Variants in RAD51D observed in about 807,000 individuals in gnomAD.
The protein encoded by RAD51D is DNA repair protein RAD51 homolog 4.
RAD51D carries 38 observed loss-of-function variants against 44.1 expected under a neutral mutation model. The ratio of observed to expected loss-of-function variants is 0.86; its 90% CI spans 0.67 to 1.13. The LOEUF (loss-of-function observed/expected upper bound fraction) is 1.13, where lower values mean the gene tolerates loss of function less well. Among genes scored for constraint, RAD51D ranks in the 50% most tolerant of loss-of-function variants. The probability of loss-of-function intolerance (pLI) is 0.00; values close to 1 mark genes in which losing one functional copy is unlikely to be tolerated. For missense variants in RAD51D, 390 were observed against 414.0 expected (o/e 0.94, Z 0.50); for synonymous variants, 141 against 166.6 (o/e 0.85, Z 1.18).
intron 3 of RAD51D, among the ~76,000 whole-genome samples, chr17:35,115,958 AAAG>A: frequency 7.6e-6 from 1 of 130,862 alleles, no homozygotes; most frequent in Non-Finnish European, 1.7e-5. Context: ...GGAAGAAAGG[AAAG>A]AAAGAAAGAA....
chr17:35,105,600 C>G (rs2091591909), intron 6 of RAD51D, among the ~76,000 whole-genome samples: 1 of 152,172 alleles, frequency 6.6e-6, no homozygotes, highest in Non-Finnish European at 1.5e-5. Flanking sequence ...TCCTCCACAT[C>G]TAGTCATTTA....
In RAD51D at chr17:35,095,049, T is replaced by G. The variant is rs966966319; in HGVS notation, c.*5904A>C. ...CCTCAGCTCCAGGGCTATTTCCTAG[T>G]TGGTTTGAGTCAATCACAGCAGTCC... is the stretch of plus-strand genomic sequence containing the variant. On this transcript the variant is annotated 3_prime_UTR_variant, in exon 10 of 10. Transcript: ENST00000345365. The G allele has an allele frequency of 6.6e-6, 1 of 152,262 alleles. No homozygotes were observed. The highest frequency in any genetic ancestry group is 2.4e-5 in the African/African-American group (1 of 41,440). The allele number at this position is 152,262 out of a possible 1,614,324, so 9.4% of individuals were successfully genotyped here. A position where few individuals can be genotyped will look rare whatever the true frequency, so the allele number is the denominator to read the frequency against.
At chr17:35,106,866 A>G in intron 5 of RAD51D, 122 bp downstream of exon 5, 1 of 1,442,182 alleles carries the variant, frequency 6.9e-7, no homozygotes, top group East Asian at 2.3e-5. Flanking sequence ...TACGAGATGT[A>G]TTAATAGAAC....
chr17:35,115,308 T>C, intron 3 of RAD51D: 1 of 516,842 alleles, frequency 1.9e-6, no homozygotes, highest in South Asian at 1.4e-5. Flanking sequence ...TATTCTAAAA[T>C]GAGGGGACTG....
chr17:35,117,100 T>C, intron 3 of RAD51D: 1 of 1,528,938 alleles, frequency 6.5e-7, no homozygotes, highest in South Asian at 1.2e-5. Flanking sequence ...CACTCCCTCC[T>C]TACCGTTGCC....
chr17:35,107,478 A>C, intron 3 of RAD51D, 31 bp from the exon 4 acceptor site: 1 of 1,475,456 alleles, frequency 6.8e-7, no homozygotes, highest in Non-Finnish European at 9.5e-7. Flanking sequence ...AATCAACACA[A>C]GAGGTTAGGA....
In RAD51D at chr17:35,098,493, CGCCTCCCAGGTTCAAGCGATTCTGCCTCA is replaced by C. The variant is rs2091502739; in HGVS notation, c.*2431_*2459del. ...CGCCATCTCAGCTCCCTGCAACCTCCGCCTCCCAGGTTCAAGCGATTCTGCCTCAGCCTCCTGAGTAGCTGGGATTACAG... is the reference window on the plus strand; with the variant it reads ...CGCCATCTCAGCTCCCTGCAACCTCCGCCTCCTGAGTAGCTGGGATTACAG... On this transcript the variant is annotated 3_prime_UTR_variant, in exon 10 of 10. Coordinates refer to ENST00000345365, the MANE Select transcript of RAD51D (RefSeq NM_002878.4). The C allele has an allele frequency of 6.6e-6, 1 of 152,040 alleles. No individual in the cohort carries two copies. The highest frequency in any genetic ancestry group is 2.4e-5 in the African/African-American group (1 of 41,328). 9.4% of individuals were successfully genotyped at this position (152,040 alleles called of 1,614,324 possible).
intron 3 of RAD51D, 24 bp from the exon 4 acceptor site, chr17:35,107,471 C>A: frequency 6.6e-7 from 1 of 1,506,754 alleles, no homozygotes; most frequent in South Asian, 1.1e-5. Context: ...AGAAGAAAAT[C>A]AACACAAGAG....
intron 5 of RAD51D, 116 bp downstream of exon 5, chr17:35,106,872 A>G: frequency 6.7e-7 from 1 of 1,492,354 alleles, no homozygotes; most frequent in Non-Finnish European, 9.3e-7. Flanking sequence ...ATGTATTAAT[A>G]GAACAGCAAG....
Position 35,096,788 on chromosome 17 carries a change from G to C in RAD51D, c.*4165C>G, listed in dbSNP as rs1009923931. The C allele has an allele frequency of 1.3e-5, 2 of 152,220 alleles. No individual in the cohort carries two copies. Among genetic ancestry groups the C allele is most frequent in the Admixed American group, 1.3e-4 (2 of 15,286 alleles). The allele number at this position is 152,220 out of a possible 1,614,324, so 9.4% of individuals were successfully genotyped here. On this transcript the variant is annotated 3_prime_UTR_variant, in exon 10 of 10. Coordinates refer to ENST00000345365, the MANE Select transcript of RAD51D (RefSeq NM_002878.4). Reference sequence around the variant, plus strand: ...AAGTGGGAGGATCACTTGAGCTTGGGAGGTAGAGGGTACAGTGAGCCGTGA... The same window carrying C: ...AAGTGGGAGGATCACTTGAGCTTGGCAGGTAGAGGGTACAGTGAGCCGTGA...
intron 3 of RAD51D, among the ~76,000 whole-genome samples, chr17:35,109,238 ATTCCTT>A (rs1433449156): frequency 1.3e-5 from 2 of 152,196 alleles, no homozygotes; most frequent in Non-Finnish European, 2.9e-5. Context: ...TGGATAGTTC[ATTCCTT>A]TTTACTGCTA....
chr17:35,106,197 A>C, intron 6 of RAD51D, 189 bp downstream of exon 6: 1 of 729,468 alleles, frequency 1.4e-6, no homozygotes. Context: ...TCAGCAGGGA[A>C]GATGAACATG....
intron 3 of RAD51D, among the ~76,000 whole-genome samples, chr17:35,111,005 C>T (rs573049505): frequency 1.1e-3 from 166 of 151,908 alleles, no homozygotes; most frequent in African/African-American, 3.8e-3. Context: ...CCCGTGAGGT[C>T]GAGGCAGGTG....
chr17:35,107,738 T>G (rs972005905), intron 3 of RAD51D, among the ~76,000 whole-genome samples: 1 of 83,026 alleles, frequency 1.2e-5, no homozygotes, highest in Non-Finnish European at 2.1e-5. Context: ...GTGGGTTTCC[T>G]TTTTTTTTTT....
In RAD51D at chr17:35,119,548, G is replaced by T. The variant is rs876660902; in HGVS notation, c.66C>A (p.Ser22Arg). 1 of 1,612,502 alleles carries T rather than the reference G, an allele frequency of 6.2e-7. No homozygotes were observed. The highest frequency in any genetic ancestry group is 8.5e-7 in the Non-Finnish European group (1 of 1,179,926). ...CCCGGTCACCTGTCTTGATCCTGTGGCTCCTGAGAAGCTGGATCATCTCCT... is the reference window on the plus strand; with the variant it reads ...CCCGGTCACCTGTCTTGATCCTGTGTCTCCTGAGAAGCTGGATCATCTCCT... ...LTEEMIQLLR[S>R]HRIKTVVDLV... The change falls in exon 1 of 10, where the codon AGC (serine) becomes AGA (arginine). Residue 22 changes from serine (S) to arginine (R), a missense_variant. Ser to Arg is a moderately radical substitution (Grantham distance 110). Transcript: ENST00000345365.
rs1064795913 is a variant in RAD51D, at chr17:35,119,595, C to G, written c.19G>C (p.Gly7Arg). Residue 7 changes from glycine (G) to arginine (R), a missense_variant, in exon 1 of 10, where the codon GGA (glycine) becomes CGA (arginine). Coordinates refer to ENST00000345365, the MANE Select transcript of RAD51D (RefSeq NM_002878.4). ...TCCTCGGTAAGGCCAGGGCACAGTC[C>G]GACCCTGAGCACGCCCATGTTCCCC... MGVLRV[G>R]LCPGLTEEMI... 1.9e-6 allele frequency: 3 copies of G among 1,612,098 alleles called. No homozygotes were observed. Among genetic ancestry groups the G allele is most frequent in the Non-Finnish European group, 2.5e-6 (3 of 1,179,950 alleles).
chr17:35,105,467 T>G (rs2091589250), intron 6 of RAD51D, among the ~76,000 whole-genome samples: 1 of 152,246 alleles, frequency 6.6e-6, no homozygotes, highest in Non-Finnish European at 1.5e-5. Flanking sequence ...GTTCAACTAT[T>G]ATATGTTCTA....
intron 3 of RAD51D, among the ~76,000 whole-genome samples, chr17:35,117,283 G>A (rs2091761786): frequency 6.6e-6 from 1 of 152,098 alleles, no homozygotes; most frequent in African/African-American, 2.4e-5. Flanking sequence ...CCCCAACCAG[G>A]GAAAGCAAGC....
chr17:35,114,543 A>G (rs1222113333), intron 3 of RAD51D, among the ~76,000 whole-genome samples: 1 of 151,746 alleles, frequency 6.6e-6, no homozygotes, highest in African/African-American at 2.4e-5. Context: ...TTTTTTAATT[A>G]GCCAGGCATG....
Sources: gnomAD v4.1 joint callset for allele counts (sites outside exome capture counted in the v4.1 genomes callset) on GRCh38, gnomAD v4.1.1 for gene constraint, MANE v1.5 for transcripts, NCBI Gene and HGNC (gene_info 2026-07-23, HGNC 2026-07-21) for gene names.